PDE4D: variants seen among roughly 807,000 people sequenced by gnomAD.
The protein encoded by PDE4D is phosphodiesterase 4D.
In PDE4D, 24 loss-of-function variants were observed where a neutral mutation model predicts 87.4. That is an observed-to-expected ratio of 0.27 (90% CI 0.20 to 0.39). PDE4D has a LOEUF of 0.39. Ranked by LOEUF, PDE4D falls within the 10% of genes least tolerant of loss-of-function variation. PDE4D has a pLI of 1.00. For synonymous variants in PDE4D, 384 were observed against 383.2 expected, an observed-to-expected ratio of 1.00 and a Z score of -0.02; for missense variants, 714 against 1,041.0, an observed-to-expected ratio of 0.69 and a Z score of 4.32.
intron 1 of PDE4D, among the ~76,000 whole-genome samples, chr5:60,453,057 G>T (rs1862589): frequency 0.041 from 6,300 of 152,168 alleles, 239 homozygotes; most frequent in East Asian, 0.18. Context: ...AATTAACACT[G>T]TAAACATGGG....
At chr5:59,098,697 C>CAAAAAAA (rs3061415) in intron 5 of PDE4D, among the ~76,000 whole-genome samples, 7 of 66,988 alleles carry the variant, frequency 1.0e-4, no homozygotes, top group African/African-American at 2.6e-4. Context: ...GAGAAAGACT[C>CAAAAAAA]AAAAAAAAAA....
chr5:59,749,709 G>T (rs953346703), intron 1 of PDE4D, among the ~76,000 whole-genome samples: 3 of 151,962 alleles, frequency 2.0e-5, no homozygotes, highest in African/African-American at 7.3e-5. Context: ...ATATATACTT[G>T]CTCCCTGGGT....
chr5:59,223,333 A>C (rs547759634), intron 1 of PDE4D, among the ~76,000 whole-genome samples: 14 of 152,204 alleles, frequency 9.2e-5, no homozygotes, highest in Non-Finnish European at 1.8e-4. Context: ...AGTCCTTCAG[A>C]CCTCAGGTCT....
intron 1 of PDE4D, among the ~76,000 whole-genome samples, chr5:59,675,838 T>G (rs1747978605): frequency 6.6e-6 from 1 of 151,994 alleles, no homozygotes; most frequent in Non-Finnish European, 1.5e-5. Context: ...TACAGGCACG[T>G]GCCACAACAC....
At chr5:59,581,186 G>C (rs377597911) in intron 1 of PDE4D, among the ~76,000 whole-genome samples, 2 of 152,172 alleles carry the variant, frequency 1.3e-5, no homozygotes, top group East Asian at 1.9e-4. Flanking sequence ...AACGTTTGTG[G>C]GATATGATTG....
intron 1 of PDE4D, among the ~76,000 whole-genome samples, chr5:60,316,120 T>C (rs1396061503): frequency 6.6e-6 from 1 of 152,174 alleles, no homozygotes; most frequent in East Asian, 1.9e-4. Flanking sequence ...TACCCATGAT[T>C]ATGGAATGTT....
At chr5:59,935,515 G>T (rs1172202167) in intron 3 of PDE4D, among the ~76,000 whole-genome samples, 1 of 152,178 alleles carries the variant, frequency 6.6e-6, no homozygotes, top group Admixed American at 6.5e-5. Context: ...AGCATTTTAA[G>T]TTTAAAATGT....
chr5:59,986,293 C>T (rs1232214968), intron 3 of PDE4D: 1 of 152,506 alleles, frequency 6.6e-6, no homozygotes, highest in South Asian at 2.1e-4. Flanking sequence ...TGAGGTCAAT[C>T]AATCCCTGCC....
In PDE4D at chr5:59,435,132, C is replaced by T. The variant is rs59524261; in HGVS notation, c.456-219164G>A. Among the ~76,000 whole-genome samples the T allele has an allele frequency of 7.2e-3, 1,091 of 152,188 alleles. 15 individuals are homozygous for T. The highest frequency in any genetic ancestry group is 0.024 in the African/African-American group (996 of 41,538). ...TTTAATCTCTCTCAATTATCTTTCC[C>T]CCTATGTTTTGCCTAGAGTTAATAT... On this transcript the variant is annotated intron_variant, in intron 1 of 14. Transcript: ENST00000340635.
intron 1 of PDE4D, among the ~76,000 whole-genome samples, chr5:59,760,467 T>TA (rs1761833198): frequency 6.6e-6 from 1 of 152,198 alleles, no homozygotes; most frequent in African/African-American, 2.4e-5. Context: ...GAGTATTACC[T>TA]AGTCACCATG....
intron 1 of PDE4D, among the ~76,000 whole-genome samples, chr5:60,369,175 T>G (rs1022593808): frequency 1.3e-5 from 2 of 151,840 alleles, no homozygotes; most frequent in Non-Finnish European, 2.9e-5. Context: ...TCCTCCCCTT[T>G]TCCACTCTCC....
chr5:59,182,832 AAAAAC>A (rs1243168226), intron 4 of PDE4D, among the ~76,000 whole-genome samples: 2 of 152,232 alleles, frequency 1.3e-5, no homozygotes, highest in Admixed American at 1.3e-4. Flanking sequence ...AGGGCAAAAC[AAAAAC>A]AAAAAACCCA....
chr5:60,162,733 A>G (rs1164099708), intron 2 of PDE4D, among the ~76,000 whole-genome samples: 2 of 152,100 alleles, frequency 1.3e-5, no homozygotes, highest in Non-Finnish European at 1.5e-5. Context: ...GTTAATGCAT[A>G]TTAAATTATG....
chr5:59,750,182 T>C (rs1277531313), intron 1 of PDE4D, among the ~76,000 whole-genome samples: 1 of 151,632 alleles, frequency 6.6e-6, no homozygotes, highest in Non-Finnish European at 1.5e-5. Flanking sequence ...TTAACTGGTC[T>C]CTGCTTCCAT....
intron 3 of PDE4D, among the ~76,000 whole-genome samples, chr5:59,938,811 T>A (rs376988313): frequency 3.3e-5 from 5 of 152,360 alleles, no homozygotes; most frequent in African/African-American, 1.2e-4. Flanking sequence ...CTGTCAGCCC[T>A]TCAGATTCAA....
At chr5:59,282,485 A>T (rs774866562) in intron 1 of PDE4D, among the ~76,000 whole-genome samples, 48 of 152,020 alleles carry the variant, frequency 3.2e-4, no homozygotes, top group Middle Eastern at 3.4e-3. Context: ...TACTAAAAAA[A>T]TACAAAACTT....
intron 1 of PDE4D, among the ~76,000 whole-genome samples, chr5:60,372,350 C>A (rs1418512518): frequency 6.6e-6 from 1 of 152,208 alleles, no homozygotes; most frequent in African/African-American, 2.4e-5. Flanking sequence ...AGGGTCTGTA[C>A]ATTCTTTCCA....
intron 1 of PDE4D, among the ~76,000 whole-genome samples, chr5:59,319,021 A>G (rs912135897): frequency 3.9e-5 from 6 of 152,148 alleles, no homozygotes; most frequent in Admixed American, 2.6e-4. Flanking sequence ...ATCAAACATG[A>G]AAGGTATTTA....
At chr5:59,494,166 A>G (rs1289847211) in intron 1 of PDE4D, among the ~76,000 whole-genome samples, 3 of 152,180 alleles carry the variant, frequency 2.0e-5, no homozygotes. Flanking sequence ...CTACCTGGTG[A>G]GTTCAGACCA....
Sources: allele counts gnomAD v4.1 joint callset (sites outside exome capture counted in the v4.1 genomes callset), GRCh38; gene constraint gnomAD v4.1.1; transcripts MANE v1.5; gene names NCBI Gene and HGNC (gene_info 2026-07-23, HGNC 2026-07-21).